The following RANBP17 variants were observed in gnomAD, a reference collection of about 807,000 sequenced individuals.
The protein encoded by RANBP17 is ran-binding protein 17.
RANBP17 carries 158 observed loss-of-function variants against 141.2 expected under a neutral mutation model. That is an observed-to-expected ratio of 1.12 (90% CI 0.98 to 1.28). The LOEUF (loss-of-function observed/expected upper bound fraction) is 1.28. Among genes scored for constraint, RANBP17 ranks in the 50% most tolerant of loss-of-function variants. The pLI, the probability that RANBP17 is intolerant of heterozygous loss-of-function variation, is 0.00. For synonymous variants in RANBP17, 430 were observed against 450.0 expected (o/e 0.96, Z 0.56); for missense variants, 1,438 against 1,290.7 (o/e 1.11, Z -1.75).
rs1483087162 is a variant in RANBP17 at position 171,242,759 on chromosome 5, C to T, written c.2715C>T (p.Asn905=). 1 of 1,613,644 alleles carries T rather than the reference C, an allele frequency of 6.2e-7. No homozygotes were observed. The highest frequency in any genetic ancestry group is 8.5e-7 in the Non-Finnish European group (1 of 1,179,638). Residue 905 remains asparagine, a synonymous_variant, in exon 24 of 28, where the codon AAC becomes AAT. Coordinates refer to ENST00000523189, the MANE Select transcript of RANBP17 (RefSeq NM_022897.5). ...LTQDHMSFII[N]LEPPVLMYVL... is the part of the protein sequence containing the mutation. Reference sequence around the variant, plus strand: ...AGGACCATATGAGCTTCATCATCAACTTAGAGCCTCCTGTACTCATGTATG... The same window carrying T: ...AGGACCATATGAGCTTCATCATCAATTTAGAGCCTCCTGTACTCATGTATG...
At chr5:171,030,236 A>G (rs4302607) in intron 14 of RANBP17, among the ~76,000 whole-genome samples, 91,051 of 151,856 alleles carry the variant, frequency 0.6, 29,018 homozygotes, top group South Asian at 0.88. Context: ...AAAAACATCT[A>G]TACTAGTTTT....
At chr5:171,152,551 T>G (rs1312546394) in intron 14 of RANBP17, among the ~76,000 whole-genome samples, 1 of 152,156 alleles carries the variant, frequency 6.6e-6, no homozygotes, top group Non-Finnish European at 1.5e-5. Context: ...ATCTCCCTGT[T>G]GCTCATGACA....
chr5:171,176,456 T>C (rs1222339610), intron 16 of RANBP17, among the ~76,000 whole-genome samples: 9 of 152,156 alleles, frequency 5.9e-5, no homozygotes, highest in Non-Finnish European at 1.2e-4. Context: ...CAGCAAATAT[T>C]TATTAAGCAT....
At chr5:171,001,948 C>T (rs773309245) in intron 14 of RANBP17, among the ~76,000 whole-genome samples, 2 of 151,988 alleles carry the variant, frequency 1.3e-5, no homozygotes, top group South Asian at 2.1e-4. Flanking sequence ...TTTCCTGACT[C>T]GAGCCATGTG....
chr5:170,893,990 A>G (rs1769885229), intron 4 of RANBP17, among the ~76,000 whole-genome samples: 1 of 152,152 alleles, frequency 6.6e-6, no homozygotes, highest in Non-Finnish European at 1.5e-5. Flanking sequence ...GCAGTGCTGG[A>G]AACCTCAGAA....
chr5:171,063,769 G>A (rs955582895), intron 14 of RANBP17, among the ~76,000 whole-genome samples: 8 of 152,202 alleles, frequency 5.3e-5, no homozygotes, highest in Non-Finnish European at 1.2e-4. Flanking sequence ...CCCAGAGGTG[G>A]AGCCTACAGA....
chr5:171,003,903 G>A (rs749836677), intron 14 of RANBP17, among the ~76,000 whole-genome samples: 4 of 152,148 alleles, frequency 2.6e-5, no homozygotes, highest in Non-Finnish European at 5.9e-5. Context: ...AGTGAGTTGT[G>A]GAGGAAGATA....
At chr5:171,069,375 AT>A in intron 14 of RANBP17, among the ~76,000 whole-genome samples, 1 of 152,156 alleles carries the variant, frequency 6.6e-6, no homozygotes, top group Non-Finnish European at 1.5e-5. Flanking sequence ...CAGCTTCTTT[AT>A]TCATCAAGCA....
intron 14 of RANBP17, among the ~76,000 whole-genome samples, chr5:171,052,476 A>G (rs548049988): frequency 1.2e-3 from 183 of 152,300 alleles, no homozygotes; most frequent in Middle Eastern, 6.8e-3. Context: ...TGTTGAAGAT[A>G]CTATTCTTTC....
intron 25 of RANBP17, among the ~76,000 whole-genome samples, chr5:171,277,469 A>C (rs958897383): frequency 6.6e-6 from 1 of 151,178 alleles, no homozygotes; most frequent in African/African-American, 2.4e-5. Context: ...CTGTAACAGA[A>C]GCCTTATTTC....
chr5:171,055,925 G>A (rs1476172947), intron 14 of RANBP17, among the ~76,000 whole-genome samples: 1 of 139,796 alleles, frequency 7.2e-6, no homozygotes, highest in South Asian at 2.3e-4. Context: ...TATTACACTT[G>A]TGCAAGTAAA....
In RANBP17 at chr5:170,909,983, A is replaced by G. The variant is rs1771402906; in HGVS notation, c.594+218A>G. ...TAAGGTGAAATCCAAAGGGAATCTA[A>G]TAACTTATCTTCAGGTAGTAGTTTC... On this transcript the variant is annotated intron_variant, in intron 6 of 27. Coordinates refer to ENST00000523189, the MANE Select transcript of RANBP17 (RefSeq NM_022897.5). The G allele has an allele frequency of 8.5e-6, 3 of 352,442 alleles. No individual in the cohort carries two copies. In the East Asian group the frequency reaches 1.5e-4, roughly 17 times the overall value. 21.8% of individuals were successfully genotyped at this position (352,442 alleles called of 1,614,324 possible). A position where few individuals can be genotyped will look rare whatever the true frequency, so the allele number is the denominator to read the frequency against.
chr5:170,899,320 G>C (rs184391406), intron 5 of RANBP17, among the ~76,000 whole-genome samples: 2 of 151,886 alleles, frequency 1.3e-5, no homozygotes, highest in African/African-American at 4.8e-5. Flanking sequence ...GGCTCTGTTC[G>C]TCTGTTATTG....
At chr5:170,884,245 C>G (rs1768963272) in intron 3 of RANBP17, among the ~76,000 whole-genome samples, 1 of 152,138 alleles carries the variant, frequency 6.6e-6, no homozygotes, top group Non-Finnish European at 1.5e-5. Context: ...ACAATTGACC[C>G]TTGAACAATG....
At chr5:171,088,481 C>T (rs917143283) in intron 14 of RANBP17, among the ~76,000 whole-genome samples, 1 of 152,082 alleles carries the variant, frequency 6.6e-6, no homozygotes, top group African/African-American at 2.4e-5. Context: ...GTGGCATTCT[C>T]TGTATTTCCT....
chr5:171,037,306 T>A (rs1402895029), intron 14 of RANBP17, among the ~76,000 whole-genome samples: 2 of 152,144 alleles, frequency 1.3e-5, no homozygotes, highest in Non-Finnish European at 2.9e-5. Context: ...TGTTTTTTGC[T>A]TGCTGAATTG....
chr5:171,098,470 T>G (rs546758682), intron 14 of RANBP17, among the ~76,000 whole-genome samples: 4 of 152,334 alleles, frequency 2.6e-5, no homozygotes, highest in Non-Finnish European at 5.9e-5. Context: ...CTTTGCCCAT[T>G]TTTTGATAGC....
At chr5:171,284,867 AT>A (rs1768062787) in intron 25 of RANBP17, among the ~76,000 whole-genome samples, 1 of 152,062 alleles carries the variant, frequency 6.6e-6, no homozygotes, top group Non-Finnish European at 1.5e-5. Context: ...CCTAATCAGT[AT>A]TGTTCTAAAT....
intron 14 of RANBP17, among the ~76,000 whole-genome samples, chr5:171,069,331 A>G (rs1784500388): frequency 6.6e-6 from 1 of 152,200 alleles, no homozygotes; most frequent in South Asian, 2.1e-4. Context: ...CAGGTCTGGA[A>G]GTGATAGTTG....
Sources: allele counts gnomAD v4.1 joint callset (sites outside exome capture counted in the v4.1 genomes callset), GRCh38; gene constraint gnomAD v4.1.1; transcripts MANE v1.5; gene names NCBI Gene and HGNC (gene_info 2026-07-23, HGNC 2026-07-21).